Variants in PRKG1 observed in about 807,000 individuals in gnomAD.
PRKG1 encodes the protein protein kinase cGMP-dependent 1.
PRKG1 carries 35 observed loss-of-function variants against 88.1 expected under a neutral mutation model. The observed-to-expected ratio is 0.40, with a 90% CI of 0.30 to 0.53. The LOEUF (loss-of-function observed/expected upper bound fraction) is 0.53, where lower values mean the gene tolerates loss of function less well. PRKG1 is among the 20% of genes least tolerant of loss of function. The probability of loss-of-function intolerance (pLI) is 0.59; values close to 1 mark genes in which losing one functional copy is unlikely to be tolerated. For synonymous variants in PRKG1, 303 were observed against 292.5 expected (o/e 1.04, Z -0.37); for missense variants, 540 against 839.8 (o/e 0.64, Z 4.41).
At chr10:51,876,288 G>A (rs906481813) in intron 4 of PRKG1, among the ~76,000 whole-genome samples, 2 of 152,174 alleles carry the variant, frequency 1.3e-5, no homozygotes, top group Non-Finnish European at 2.9e-5. Flanking sequence ...TCAAAGGGAA[G>A]CATTTTAAAT....
intron 9 of PRKG1, among the ~76,000 whole-genome samples, chr10:52,229,595 T>C (rs1393863526): frequency 6.6e-6 from 1 of 152,232 alleles, no homozygotes; most frequent in African/African-American, 2.4e-5. Flanking sequence ...ACTTTGTGAA[T>C]GCCTCTCAGG....
chr10:52,149,923 G>A (rs1489042722), intron 8 of PRKG1, among the ~76,000 whole-genome samples: 1 of 151,932 alleles, frequency 6.6e-6, no homozygotes. Flanking sequence ...AAGGTGGGTG[G>A]AATCACTTGA....
intron 3 of PRKG1, among the ~76,000 whole-genome samples, chr10:51,802,401 A>G (rs886480929): frequency 3.1e-4 from 47 of 152,170 alleles, no homozygotes; most frequent in African/African-American, 1.1e-3. Flanking sequence ...CAGGAACCAA[A>G]AAGTAAAATG....
intron 1 of PRKG1, among the ~76,000 whole-genome samples, chr10:51,110,745 C>CTT (rs1269558097): frequency 6.6e-6 from 1 of 151,846 alleles, no homozygotes; most frequent in Non-Finnish European, 1.5e-5. Context: ...AAGAGAGCTG[C>CTT]TAAAAATTAG....
chr10:51,502,594 G>A (rs553750202), intron 3 of PRKG1, among the ~76,000 whole-genome samples: 49 of 152,240 alleles, frequency 3.2e-4, no homozygotes, highest in Non-Finnish European at 5.7e-4. Flanking sequence ...TAATAGTGGT[G>A]TAACCTTGGG....
intron 1 of PRKG1, among the ~76,000 whole-genome samples, chr10:51,048,038 ATACT>A (rs1310458080): frequency 6.6e-6 from 1 of 152,208 alleles, no homozygotes; most frequent in Non-Finnish European, 1.5e-5. Context: ...TGTGATATTA[ATACT>A]TAGTTTTCAT....
rs148983450 is a variant in PRKG1, at chr10:51,393,905, G to A, written c.479-73818G>A. 4.7e-3 allele frequency among the ~76,000 whole-genome samples: 721 copies of A among 152,156 alleles called. 5 individuals are homozygous for A. The highest frequency in any genetic ancestry group is 0.016 in the African/African-American group (677 of 41,516). The stretch of plus-strand genomic sequence containing the variant: ...GGGTATATATGGTAAAAAGCATTAC[G>A]TTTTAAATGTTAGTTAGAAGTAAAC... On this transcript the variant is annotated intron_variant, in intron 2 of 17. Transcript: ENST00000373980.
chr10:51,952,318 G>T (rs546549402), intron 5 of PRKG1, among the ~76,000 whole-genome samples: 2 of 152,288 alleles, frequency 1.3e-5, no homozygotes, highest in African/African-American at 4.8e-5. Flanking sequence ...ATCCAAATGT[G>T]CATTTTCATC....
intron 3 of PRKG1, among the ~76,000 whole-genome samples, chr10:51,506,616 C>A (rs1362107561): frequency 6.6e-6 from 1 of 152,126 alleles, no homozygotes; most frequent in Non-Finnish European, 1.5e-5. Flanking sequence ...CATCTCACAC[C>A]AGTTAGAATG....
intron 3 of PRKG1, among the ~76,000 whole-genome samples, chr10:51,657,912 A>T (rs189706044): frequency 6.6e-6 from 1 of 152,160 alleles, no homozygotes; most frequent in Non-Finnish European, 1.5e-5. Flanking sequence ...AAAAGCAAAC[A>T]AAGTGTTTGT....
intron 3 of PRKG1, among the ~76,000 whole-genome samples, chr10:51,664,564 G>C (rs2339813): frequency 0.85 from 129,512 of 152,108 alleles, 56,279 homozygotes; most frequent in Middle Eastern, 0.96. Context: ...CATGGCTGTT[G>C]TGTTGAGTTG....
At chr10:51,281,028 C>T (rs1420753539) in intron 2 of PRKG1, among the ~76,000 whole-genome samples, 2 of 152,274 alleles carry the variant, frequency 1.3e-5, no homozygotes, top group Non-Finnish European at 2.9e-5. Context: ...TTGTGACGTA[C>T]AGATGGGGTT....
chr10:52,171,576 T>C (rs980702543), intron 9 of PRKG1, among the ~76,000 whole-genome samples: 2 of 152,146 alleles, frequency 1.3e-5, no homozygotes, highest in African/African-American at 2.4e-5. Flanking sequence ...TTCTAGTACA[T>C]GTAATCAGAC....
chr10:51,890,160 T>G (rs1841681928), intron 4 of PRKG1, among the ~76,000 whole-genome samples: 1 of 152,228 alleles, frequency 6.6e-6, no homozygotes, highest in Admixed American at 6.5e-5. Flanking sequence ...TGGTAATGCC[T>G]AGGTTTTCTT....
chr10:51,405,684 G>A (rs1014717895), intron 2 of PRKG1, among the ~76,000 whole-genome samples: 1 of 152,188 alleles, frequency 6.6e-6, no homozygotes, highest in Non-Finnish European at 1.5e-5. Context: ...CTGTGCTTGT[G>A]TCTCATCCTG....
At chr10:51,201,309 G>A (rs146441312) in intron 2 of PRKG1, among the ~76,000 whole-genome samples, 4 of 152,050 alleles carry the variant, frequency 2.6e-5, no homozygotes, top group African/African-American at 7.2e-5. Flanking sequence ...TAAGTTAGCC[G>A]GGCGTGGTGG....
chr10:51,125,509 C>T (rs1845373132), intron 1 of PRKG1, among the ~76,000 whole-genome samples: 1 of 149,830 alleles, frequency 6.7e-6, no homozygotes, highest in Admixed American at 6.6e-5. Flanking sequence ...ATAGTGAAAC[C>T]CTGTCTCTAC....
intron 2 of PRKG1, among the ~76,000 whole-genome samples, chr10:51,445,577 G>T (rs1186638578): frequency 6.6e-6 from 1 of 151,148 alleles, no homozygotes; most frequent in Non-Finnish European, 1.5e-5. Context: ...TAGTCACAAG[G>T]GACACCTCAT....
intron 1 of PRKG1, among the ~76,000 whole-genome samples, chr10:51,066,061 G>A (rs1181208520): frequency 6.6e-6 from 1 of 152,028 alleles, no homozygotes; most frequent in Non-Finnish European, 1.5e-5. Context: ...GGCAGTGAAA[G>A]GGGTTGAGAA....
Sources: allele counts gnomAD v4.1 joint callset (sites outside exome capture counted in the v4.1 genomes callset), GRCh38; gene constraint gnomAD v4.1.1; transcripts MANE v1.5; gene names NCBI Gene and HGNC (gene_info 2026-07-23, HGNC 2026-07-21).